The following EXOC6B variants were observed in gnomAD, a reference collection of about 807,000 sequenced individuals.
EXOC6B encodes the protein exocyst complex component 6B.
A neutral mutation model predicts 113.5 loss-of-function variants in EXOC6B; 54 were observed. The observed-to-expected ratio is 0.48, with a 90% confidence interval of 0.38 to 0.60. EXOC6B has a LOEUF of 0.60. Ranked by LOEUF, EXOC6B falls within the 20% of genes least tolerant of loss-of-function variation. The pLI, the probability that EXOC6B is intolerant of heterozygous loss-of-function variation, is 0.00. For synonymous variants in EXOC6B, 357 were observed against 339.0 expected (o/e 1.05, Z -0.58); for missense variants, 797 against 977.5 (o/e 0.82, Z 2.46).
chr2:72,397,626 A>T (rs1474045714), intron 18 of EXOC6B, among the ~76,000 whole-genome samples: 1 of 131,612 alleles, frequency 7.6e-6, no homozygotes, highest in African/African-American at 3.1e-5. Flanking sequence ...TCAAAAAAAA[A>T]AAATAAAATA....
chr2:72,721,736 T>C (rs1680021762), intron 5 of EXOC6B: 1 of 152,080 alleles, frequency 6.6e-6, no homozygotes, highest in Non-Finnish European at 1.5e-5. Context: ...TAAGAAGTAG[T>C]AAAAGGCTAA....
intron 6 of EXOC6B, among the ~76,000 whole-genome samples, chr2:72,697,733 A>G (rs1677994672): frequency 6.6e-6 from 1 of 152,198 alleles, no homozygotes; most frequent in South Asian, 2.1e-4. Flanking sequence ...GCCAGAAAGT[A>G]AGAGTCTCCA....
At chr2:72,225,838 A>G (rs1681203347) in intron 20 of EXOC6B, among the ~76,000 whole-genome samples, 1 of 152,214 alleles carries the variant, frequency 6.6e-6, no homozygotes, top group Non-Finnish European at 1.5e-5. Flanking sequence ...ACAACTATAA[A>G]AAATGACACA....
chr2:72,647,217 C>A (rs1167262383), intron 6 of EXOC6B, among the ~76,000 whole-genome samples: 1 of 152,082 alleles, frequency 6.6e-6, no homozygotes, highest in African/African-American at 2.4e-5. Context: ...ATCCAACTTA[C>A]AAGGGATGTG....
chr2:72,256,495 A>C (rs1683363152), intron 20 of EXOC6B, among the ~76,000 whole-genome samples: 1 of 152,214 alleles, frequency 6.6e-6, no homozygotes, highest in Non-Finnish European at 1.5e-5. Context: ...GAATTAGATT[A>C]GGGTTCTAGC....
chr2:72,515,299 T>C, intron 8 of EXOC6B, 173 bp from the exon 9 acceptor site: 2 of 862,146 alleles, frequency 2.3e-6, no homozygotes, highest in Non-Finnish European at 3.5e-6. Context: ...TTACCATGTA[T>C]TGAACCTTAG....
At chr2:72,606,183 A>C (rs1428155157) in intron 6 of EXOC6B, among the ~76,000 whole-genome samples, 1 of 152,142 alleles carries the variant, frequency 6.6e-6, no homozygotes, top group Non-Finnish European at 1.5e-5. Flanking sequence ...CATAAATTTC[A>C]AACAAAATTT....
intron 1 of EXOC6B, among the ~76,000 whole-genome samples, chr2:72,799,387 T>G (rs993371409): frequency 6.6e-6 from 1 of 151,256 alleles, no homozygotes; most frequent in African/African-American, 2.4e-5. Flanking sequence ...CTGGGCAACA[T>G]AGCAAAACCC....
Position 72,257,705 on chromosome 2 carries a change from C to T in EXOC6B, c.2197-73518G>A, listed in dbSNP as rs147546762. Among the ~76,000 whole-genome samples the T allele has an allele frequency of 4.6e-3, 699 of 152,242 alleles. 7 individuals are homozygous for T. The highest frequency in any genetic ancestry group is 0.016 in the African/African-American group (647 of 41,536). On this transcript the variant is annotated intron_variant, in intron 20 of 21. Coordinates refer to ENST00000272427, the MANE Select transcript of EXOC6B (RefSeq NM_015189.3). The stretch of plus-strand genomic sequence containing the variant: ...TAGAAAGATCAATGAAACACTGATG[C>T]CTTCCTATTCTGAGGAAGATCAAAG...
At chr2:72,745,257 C>T (rs1355858652) in intron 1 of EXOC6B, among the ~76,000 whole-genome samples, 2 of 152,076 alleles carry the variant, frequency 1.3e-5, no homozygotes, top group African/African-American at 2.4e-5. Flanking sequence ...AGCTTGAAAC[C>T]AGCCTGGTCA....
chr2:72,340,527 A>G (rs946971169), intron 19 of EXOC6B, among the ~76,000 whole-genome samples: 17 of 152,298 alleles, frequency 1.1e-4, no homozygotes, highest in African/African-American at 4.1e-4. Context: ...AGGGTCCTAG[A>G]TAACATCAGT....
chr2:72,728,247 C>T (rs11883622), intron 5 of EXOC6B, among the ~76,000 whole-genome samples: 2,440 of 152,292 alleles, frequency 0.016, 73 homozygotes, highest in African/African-American at 0.053. Flanking sequence ...GAATTGGCAT[C>T]ACCTAGGAAC....
At chr2:72,467,006 C>G (rs1698097045) in intron 17 of EXOC6B, among the ~76,000 whole-genome samples, 1 of 152,132 alleles carries the variant, frequency 6.6e-6, no homozygotes, top group African/African-American at 2.4e-5. Context: ...GCCATATTCC[C>G]CAGCTCTGGT....
chr2:72,796,918 G>C (rs1362234338), intron 1 of EXOC6B, among the ~76,000 whole-genome samples: 1 of 152,196 alleles, frequency 6.6e-6, no homozygotes, highest in Non-Finnish European at 1.5e-5. Context: ...TTTATCAAGA[G>C]GGAATAAGAT....
chr2:72,515,619 T>C (rs1701171290), intron 8 of EXOC6B: 1 of 990,224 alleles, frequency 1.0e-6, no homozygotes, highest in African/African-American at 1.7e-5. Context: ...AGCACAGGAT[T>C]AAACCCAAAA....
intron 20 of EXOC6B, among the ~76,000 whole-genome samples, chr2:72,305,322 G>GTATA (rs71404717): frequency 4.2e-5 from 6 of 144,538 alleles, no homozygotes; most frequent in Non-Finnish European, 9.1e-5. Context: ...ATATGGGTGT[G>GTATA]TGTATATGTA....
chr2:72,329,925 T>G (rs1477691048), intron 20 of EXOC6B, among the ~76,000 whole-genome samples: 1 of 152,054 alleles, frequency 6.6e-6, no homozygotes, highest in Non-Finnish European at 1.5e-5. Flanking sequence ...TACTTTAGAT[T>G]GTAGGTTAGA....
intron 8 of EXOC6B, chr2:72,515,845 A>C (rs1701185694): frequency 1.8e-5 from 10 of 550,412 alleles, no homozygotes; most frequent in Non-Finnish European, 2.3e-5. Flanking sequence ...GGTTAAATTA[A>C]GATGTGATCC....
intron 20 of EXOC6B, among the ~76,000 whole-genome samples, chr2:72,290,704 G>A (rs774235409): frequency 2.4e-4 from 36 of 151,484 alleles, no homozygotes; most frequent in East Asian, 1.6e-3. Context: ...ATAAAAAAAC[G>A]TTTTTAATAT....
Sources: allele counts gnomAD v4.1 joint callset (sites outside exome capture counted in the v4.1 genomes callset), GRCh38; gene constraint gnomAD v4.1.1; transcripts MANE v1.5; gene names NCBI Gene and HGNC (gene_info 2026-07-23, HGNC 2026-07-21).